The following FRYL variants were observed in gnomAD, a reference collection of about 807,000 sequenced individuals.
The protein encoded by FRYL is FRY like transcription coactivator.
In FRYL, 150 loss-of-function variants were observed where a neutral mutation model predicts 351.2. The observed-to-expected ratio is 0.43, with a 90% CI of 0.37 to 0.49. The LOEUF (loss-of-function observed/expected upper bound fraction) is 0.49. Among genes scored for constraint, FRYL ranks in the 20% least tolerant of loss-of-function variants. FRYL has a pLI of 0.00. For synonymous variants in FRYL, 1,153 were observed against 1,257.1 expected, an observed-to-expected ratio of 0.92 and a Z score of 1.75; for missense variants, 3,036 against 3,619.3, an observed-to-expected ratio of 0.84 and a Z score of 4.13.
At chr4:48,693,373 C>G (rs1765846107) in intron 2 of FRYL, among the ~76,000 whole-genome samples, 1 of 152,058 alleles carries the variant, frequency 6.6e-6, no homozygotes, top group Admixed American at 6.6e-5. Context: ...AATGTTGTGA[C>G]AAAGAAAATG....
intron 17 of FRYL, 107 bp downstream of exon 17, chr4:48,590,552 G>T: frequency 1.2e-6 from 1 of 831,152 alleles, no homozygotes; most frequent in Non-Finnish European, 1.8e-6. Flanking sequence ...GTATATACTA[G>T]AAAAACCATA....
At chr4:48,611,352 G>A (rs1180169109) in intron 7 of FRYL, among the ~76,000 whole-genome samples, 1 of 151,722 alleles carries the variant, frequency 6.6e-6, no homozygotes, top group Non-Finnish European at 1.5e-5. Context: ...ATTTTTGTGT[G>A]TACCTACCAG....
At chr4:48,591,630 G>C (rs1429149587) in intron 16 of FRYL, among the ~76,000 whole-genome samples, 1 of 152,028 alleles carries the variant, frequency 6.6e-6, no homozygotes, top group Non-Finnish European at 1.5e-5. Context: ...TGCATTTCAG[G>C]TTTGGCCTCC....
At chr4:48,705,790 C>T (rs1280707065) in intron 2 of FRYL, among the ~76,000 whole-genome samples, 1 of 152,054 alleles carries the variant, frequency 6.6e-6, no homozygotes, top group African/African-American at 2.4e-5. Context: ...TGAGAGCAGC[C>T]CCTATGACCA....
At chr4:48,762,628 G>T (rs994974119) in intron 1 of FRYL, among the ~76,000 whole-genome samples, 15 of 152,240 alleles carry the variant, frequency 9.9e-5, no homozygotes, top group African/African-American at 3.4e-4. Context: ...TTTCTTGTGT[G>T]CTGGGCCCTG....
At chr4:48,593,771 C>T (rs1744031316) in intron 16 of FRYL, among the ~76,000 whole-genome samples, 159 bp downstream of exon 16, 2 of 152,064 alleles carry the variant, frequency 1.3e-5, no homozygotes, top group South Asian at 4.1e-4. Flanking sequence ...TATTATTAAA[C>T]CATTCGGCCA....
chr4:48,680,185 G>A lies in FRYL; in HGVS notation c.-81+4488C>T, dbSNP rs186494566. Among the ~76,000 whole-genome samples the A allele has an allele frequency of 1.4e-3, 216 of 151,208 alleles. 1 individual carries two copies. The highest frequency in any genetic ancestry group is 4.7e-3 in the African/African-American group (192 of 41,262). On this transcript the variant is annotated intron_variant, in intron 3 of 63. Transcript: ENST00000358350. ...TATAATACATATCAAACTTGCAGAG[G>A]GTTTACAGAAACTCCCTTCTAATAA...
chr4:48,742,527 A>G (rs1772210184), intron 1 of FRYL, among the ~76,000 whole-genome samples: 1 of 152,138 alleles, frequency 6.6e-6, no homozygotes, highest in Non-Finnish European at 1.5e-5. Flanking sequence ...AGCTCTGAAT[A>G]TCATCTTTAT....
At chr4:48,669,550 ATAT>A (rs1187420793) in intron 3 of FRYL, among the ~76,000 whole-genome samples, 7 of 150,072 alleles carry the variant, frequency 4.7e-5, no homozygotes, top group African/African-American at 1.7e-4. Flanking sequence ...ATTTATAATA[ATAT>A]TATAAGGGTA....
Position 48,678,507 on chromosome 4 carries a change from CAAA to C in FRYL, c.-81+6163_-81+6165del, listed in dbSNP as rs10639089. On this transcript the variant is annotated intron_variant, in intron 3 of 63. Transcript: ENST00000358350. Reference sequence around the variant, plus strand: ...CTGGCGACAGAGCAAAACTCCATCTCAAAAAAAAAAAAAAAAAAAAAAAATAGA... The same window carrying C: ...CTGGCGACAGAGCAAAACTCCATCTCAAAAAAAAAAAAAAAAAAAAATAGA... Among the ~76,000 whole-genome samples the C allele has an allele frequency of 2.8e-3, 204 of 71,764 alleles. 2 individuals are homozygous for C. The highest frequency in any genetic ancestry group is 9.5e-3 in the African/African-American group (158 of 16,566). The allele number at this position is 71,764 out of a possible 152,430, so 47.1% of individuals were successfully genotyped here.
At chr4:48,773,820 G>C (rs913913911) in intron 1 of FRYL, among the ~76,000 whole-genome samples, 4 of 152,170 alleles carry the variant, frequency 2.6e-5, no homozygotes, top group African/African-American at 9.6e-5. Context: ...ACGGGGCTGA[G>C]GTGAGAGGAT....
intron 3 of FRYL, among the ~76,000 whole-genome samples, chr4:48,656,698 CATATATATAAA>C (rs1759270027): frequency 1.2e-5 from 1 of 84,618 alleles, no homozygotes; most frequent in Non-Finnish European, 2.3e-5. Flanking sequence ...CATATATATG[CATATATATAAA>C]ATGTATATAT....
Position 48,564,000 on chromosome 4 carries a change from C to A in FRYL, c.3544G>T (p.Gly1182Trp). Residue 1182 changes from glycine to tryptophan, a missense_variant, in exon 31 of 64, where the codon GGG becomes TGG. Transcript: ENST00000358350. ...TTAAAGCAGCCGGCCGCCACCCTCCCGGAGCCCGTGTAGCAGCGGTCCACA... is the reference window on the plus strand; with the variant it reads ...TTAAAGCAGCCGGCCGCCACCCTCCAGGAGCCCGTGTAGCAGCGGTCCACA... ...WAVDRCYTGS[G>W]RVAAGCFKAI... 6.2e-7 allele frequency: 1 copy of A among 1,614,148 alleles called. No homozygotes were observed. The highest frequency in any genetic ancestry group is 8.5e-7 in the Non-Finnish European group (1 of 1,180,012).
chr4:48,660,985 C>A (rs1760591671), intron 3 of FRYL, among the ~76,000 whole-genome samples: 1 of 151,998 alleles, frequency 6.6e-6, no homozygotes. Context: ...TTTCTTGAAG[C>A]AGAAAAAGGA....
intron 4 of FRYL, among the ~76,000 whole-genome samples, chr4:48,632,098 A>ATATATATATATATATATG (rs1553957563): frequency 6.6e-3 from 142 of 21,422 alleles, no homozygotes; most frequent in Middle Eastern, 0.019. Flanking sequence ...AAAAATATAT[A>ATATATATATATATATATG]TATATATATA....
At chr4:48,597,197 A>C (rs1744762477) in intron 13 of FRYL, among the ~76,000 whole-genome samples, 1 of 152,160 alleles carries the variant, frequency 6.6e-6, no homozygotes, top group Non-Finnish European at 1.5e-5. Flanking sequence ...TTTCTTTTCT[A>C]TCATTTAAAT....
intron 59 of FRYL, among the ~76,000 whole-genome samples, chr4:48,507,435 C>T (rs1466692987): frequency 7.6e-6 from 1 of 132,448 alleles, no homozygotes; most frequent in East Asian, 2.3e-4. Flanking sequence ...GGTTCTACTT[C>T]TGGGTGTGAT....
chr4:48,727,100 A>G (rs952579850), intron 1 of FRYL, among the ~76,000 whole-genome samples: 1 of 152,192 alleles, frequency 6.6e-6, no homozygotes, highest in South Asian at 2.1e-4. Flanking sequence ...CTTTGGAATC[A>G]GTAATCTCAT....
Position 48,707,943 on chromosome 4 carries a change from C to A in FRYL, c.-204+2576G>T, listed in dbSNP as rs112221468. Among the ~76,000 whole-genome samples the A allele has an allele frequency of 4.4e-3, 674 of 151,768 alleles. 4 individuals carry two copies. The highest frequency in any genetic ancestry group is 0.015 in the African/African-American group (625 of 41,408). On this transcript the variant is annotated intron_variant, in intron 2 of 63. Coordinates refer to ENST00000358350, the MANE Select transcript of FRYL (RefSeq NM_015030.2). ...TCAATTGATTCTCCTGCCTCAGCCT[C>A]CCCAGTAGCTCGGACTATAGGCACG... is the stretch of plus-strand genomic sequence containing the variant.
Sources: gnomAD v4.1 joint callset for allele counts (sites outside exome capture counted in the v4.1 genomes callset) on GRCh38, gnomAD v4.1.1 for gene constraint, MANE v1.5 for transcripts, NCBI Gene and HGNC (gene_info 2026-07-23, HGNC 2026-07-21) for gene names.